The following ASIC5 variants were observed in gnomAD, a reference collection of about 807,000 sequenced individuals.
The protein encoded by ASIC5 is bile acid-sensitive ion channel.
ASIC5 carries 52 observed loss-of-function variants against 51.2 expected under a neutral mutation model. That is an observed-to-expected ratio of 1.02 (90% CI 0.81 to 1.28). The LOEUF is 1.28. Among genes scored for constraint, ASIC5 ranks in the 50% most tolerant of loss-of-function variants. The pLI is 0.00. For missense variants in ASIC5, 635 were observed against 595.0 expected, an observed-to-expected ratio of 1.07 and a Z score of -0.70; for synonymous variants, 231 against 200.7, an observed-to-expected ratio of 1.15 and a Z score of -1.28.
At position 155,842,134 on chromosome 4, in the gene ASIC5, C is replaced by T. The variant is rs536246947; in HGVS notation, c.1009+73G>A. 12 of 1,401,982 alleles carry T rather than the reference C, an allele frequency of 8.6e-6. No homozygotes were observed. The East Asian group carries it at 2.1e-4, about 24-fold the overall frequency. The allele number at this position is 1,401,982 out of a possible 1,614,324, so 86.8% of individuals were successfully genotyped here. On this transcript the variant is annotated intron_variant, in intron 6 of 9. Transcript: ENST00000537611. ...TTTGTATTTCAATACTCTATTTCTC[C>T]CAGACCTTTTGTAACCCTCTAAGAA...
chr4:155,835,609 C>A (rs1209016264), intron 8 of ASIC5, among the ~76,000 whole-genome samples: 1 of 152,054 alleles, frequency 6.6e-6, no homozygotes, highest in East Asian at 1.9e-4. Flanking sequence ...TTAAATACAT[C>A]AGGAACAATA....
chr4:155,842,476 A>C, intron 5 of ASIC5, 122 bp from the exon 6 acceptor site: 1 of 898,764 alleles, frequency 1.1e-6, no homozygotes, highest in Non-Finnish European at 1.6e-6. Flanking sequence ...CAAAACCAAA[A>C]TTGGTTACAT....
Position 155,854,280 on chromosome 4 carries a change from T to G in ASIC5, c.382A>C (p.Ile128Leu). Residue 128 changes from isoleucine to leucine, a missense_variant, in exon 3 of 10, where the codon ATT (isoleucine) becomes CTT (leucine). Transcript: ENST00000537611. ...GATACAATGTGCCATAAGAAAAAAA[T>G]AACACCAAATTTGGCTACAGCATCT... is the stretch of plus-strand genomic sequence containing the variant. Reference protein sequence around the residue: ...QTDAVAKFGVIFFLWHIVSKV... With the variant: ...QTDAVAKFGVLFFLWHIVSKV... The G allele has an allele frequency of 6.2e-7, 1 of 1,612,738 alleles. No homozygotes were observed. Among genetic ancestry groups the G allele is most frequent in the Non-Finnish European group, 8.5e-7 (1 of 1,179,242 alleles).
At chr4:155,851,866 C>A (rs997133999) in intron 4 of ASIC5, among the ~76,000 whole-genome samples, 17 of 151,856 alleles carry the variant, frequency 1.1e-4, no homozygotes, top group Non-Finnish European at 2.2e-4. Context: ...AATTATTGTT[C>A]AATGCAAAGA....
At chr4:155,858,110 A>C (rs1427783903) in intron 2 of ASIC5, among the ~76,000 whole-genome samples, 1 of 152,082 alleles carries the variant, frequency 6.6e-6, no homozygotes. Flanking sequence ...AATGAATATA[A>C]ATTTTTGATG....
intron 7 of ASIC5, among the ~76,000 whole-genome samples, chr4:155,837,204 AG>A (rs1741004898): frequency 6.8e-6 from 1 of 147,576 alleles, no homozygotes; most frequent in East Asian, 2.0e-4. Flanking sequence ...ATATTTGGAC[AG>A]AAGAATATCT....
intron 4 of ASIC5, among the ~76,000 whole-genome samples, chr4:155,851,868 A>G (rs1032560821): frequency 2.0e-5 from 3 of 152,034 alleles, no homozygotes; most frequent in African/African-American, 7.2e-5. Flanking sequence ...TTATTGTTCA[A>G]TGCAAAGAGT....
intron 6 of ASIC5, among the ~76,000 whole-genome samples, chr4:155,841,293 A>G (rs1003191015): frequency 3.9e-5 from 6 of 152,128 alleles, no homozygotes; most frequent in African/African-American, 1.4e-4. Context: ...GATGTAAGAG[A>G]CCTGAATACA....
chr4:155,857,363 A>C (rs1741571106), intron 2 of ASIC5, among the ~76,000 whole-genome samples: 1 of 152,000 alleles, frequency 6.6e-6, no homozygotes, highest in Non-Finnish European at 1.5e-5. Context: ...AGCTCAAGCA[A>C]TCTGCCTACC....
intron 6 of ASIC5, among the ~76,000 whole-genome samples, chr4:155,840,467 A>G (rs1741091910): frequency 6.8e-6 from 1 of 146,962 alleles, no homozygotes; most frequent in African/African-American, 2.5e-5. Flanking sequence ...TATTTTATAT[A>G]TATTTTATAT....
chr4:155,845,046 A>G (rs116643188), intron 4 of ASIC5, among the ~76,000 whole-genome samples: 5,699 of 152,056 alleles, frequency 0.037, 195 homozygotes, highest in Middle Eastern at 0.14. Flanking sequence ...GGAACTCTAA[A>G]CTATGGGGAA....
intron 5 of ASIC5, 33 bp downstream of exon 5, chr4:155,843,648 C>G: frequency 6.2e-7 from 1 of 1,610,218 alleles, no homozygotes. Flanking sequence ...GCATTCACTA[C>G]CCCACCTAAT....
At chr4:155,846,944 G>A (rs999824320) in intron 4 of ASIC5, among the ~76,000 whole-genome samples, 7 of 151,948 alleles carry the variant, frequency 4.6e-5, no homozygotes, top group African/African-American at 1.7e-4. Context: ...AACAAGGTAA[G>A]AAGAACAAGC....
chr4:155,856,436 T>G (rs183610814), intron 2 of ASIC5, among the ~76,000 whole-genome samples: 1 of 152,190 alleles, frequency 6.6e-6, no homozygotes, highest in Admixed American at 6.6e-5. Flanking sequence ...CTTTAAGAGA[T>G]GAAAAACTGT....
intron 2 of ASIC5, among the ~76,000 whole-genome samples, chr4:155,859,324 T>G (rs6826335): frequency 0.063 from 9,518 of 152,110 alleles, 1,005 homozygotes; most frequent in African/African-American, 0.22. Flanking sequence ...TTTATTGACA[T>G]GAATATATAG....
At chr4:155,840,867 C>T (rs973677833) in intron 6 of ASIC5, among the ~76,000 whole-genome samples, 6 of 151,938 alleles carry the variant, frequency 3.9e-5, no homozygotes, top group African/African-American at 7.3e-5. Context: ...GTTGCAGACC[C>T]TGCCTCCAAT....
At chr4:155,835,347 C>T (rs1214064549) in intron 8 of ASIC5, among the ~76,000 whole-genome samples, 1 of 151,496 alleles carries the variant, frequency 6.6e-6, no homozygotes, top group South Asian at 2.1e-4. Flanking sequence ...GCGAGCAACA[C>T]CCTGTTGCAC....
At chr4:155,856,896 T>C (rs148125054) in intron 2 of ASIC5, among the ~76,000 whole-genome samples, 22 of 152,112 alleles carry the variant, frequency 1.4e-4, no homozygotes, top group Admixed American at 1.2e-3. Flanking sequence ...TTACTATACA[T>C]ATGGGAGCAA....
intron 6 of ASIC5, among the ~76,000 whole-genome samples, chr4:155,840,937 A>C (rs1741103677): frequency 6.6e-6 from 1 of 151,782 alleles, no homozygotes; most frequent in Non-Finnish European, 1.5e-5. Flanking sequence ...ACCCCTACCC[A>C]GGAATTGACT....
Sources: allele counts gnomAD v4.1 joint callset (sites outside exome capture counted in the v4.1 genomes callset), GRCh38; gene constraint gnomAD v4.1.1; transcripts MANE v1.5; gene names NCBI Gene and HGNC (gene_info 2026-07-23, HGNC 2026-07-21).